TBC1D5: variants seen among roughly 807,000 people sequenced by gnomAD.
TBC1D5 encodes TBC1 domain family member 5.
A neutral mutation model predicts 100.3 loss-of-function variants in TBC1D5; 75 were observed. The ratio of observed to expected loss-of-function variants is 0.75; its 90% CI spans 0.62 to 0.91. The LOEUF is 0.91. TBC1D5 is among the 40% of genes least tolerant of loss of function. The pLI, the probability that TBC1D5 is intolerant of heterozygous loss-of-function variation, is 0.00. For missense variants in TBC1D5, 910 were observed against 942.4 expected, an observed-to-expected ratio of 0.97 and a Z score of 0.45; for synonymous variants, 323 against 325.6, an observed-to-expected ratio of 0.99 and a Z score of 0.09.
intron 13 of TBC1D5, among the ~76,000 whole-genome samples, chr3:17,359,537 G>A (rs938509691): frequency 2.4e-4 from 36 of 151,916 alleles, no homozygotes; most frequent in African/African-American, 7.7e-4. Flanking sequence ...AGCTAGTCAG[G>A]AGACACTTAT....
In TBC1D5 at chr3:17,390,863, AT is replaced by A. The variant is rs369842016; in HGVS notation, c.510-6849del. 1.1e-3 allele frequency among the ~76,000 whole-genome samples: 168 copies of A among 152,220 alleles called. 5 individuals carry two copies. In the South Asian group the frequency reaches 0.033, roughly 30 times the overall value. On this transcript the variant is annotated intron_variant, in intron 8 of 21. Coordinates refer to ENST00000253692, the Ensembl canonical transcript of TBC1D5. ...AATTCTTTTTCTTCCTGTGTTCCCT[AT>A]TTTGGTTGGTAATTTCCATTCTCCC...
chr3:17,650,765 A>C (rs2065472437), intron 1 of TBC1D5, among the ~76,000 whole-genome samples: 1 of 152,172 alleles, frequency 6.6e-6, no homozygotes, highest in Non-Finnish European at 1.5e-5. Context: ...CTAGTGATGT[A>C]ATTCTAAAAT....
At chr3:17,271,293 G>A (rs533521328) in intron 15 of TBC1D5, among the ~76,000 whole-genome samples, 1 of 152,186 alleles carries the variant, frequency 6.6e-6, no homozygotes, top group South Asian at 2.1e-4. Context: ...ATTTCTTTCG[G>A]CAGTGTTTTG....
At chr3:17,408,494 T>C (rs2093834309) in intron 4 of TBC1D5, among the ~76,000 whole-genome samples, 1 of 152,028 alleles carries the variant, frequency 6.6e-6, no homozygotes, top group African/African-American at 2.4e-5. Context: ...TGGCTACTTT[T>C]GTAACTTTTT....
chr3:17,180,916 CAAAAA>C (rs76797012), intron 19 of TBC1D5, among the ~76,000 whole-genome samples: 3 of 96,172 alleles, frequency 3.1e-5, no homozygotes, highest in Non-Finnish European at 4.4e-5. Context: ...ACATTTACAC[CAAAAA>C]AAAAAAAAAA....
intron 13 of TBC1D5, among the ~76,000 whole-genome samples, chr3:17,369,140 A>C (rs958954400): frequency 6.6e-6 from 1 of 152,168 alleles, no homozygotes; most frequent in Non-Finnish European, 1.5e-5. Context: ...TTTACTCCCA[A>C]CTTCTATAGC....
intron 1 of TBC1D5, among the ~76,000 whole-genome samples, chr3:17,665,832 G>A (rs1424343984): frequency 6.6e-6 from 1 of 152,020 alleles, no homozygotes; most frequent in Non-Finnish European, 1.5e-5. Flanking sequence ...TCCAATTTTA[G>A]GATCATCTGC....
chr3:17,591,221 G>T (rs1020849096), intron 2 of TBC1D5, among the ~76,000 whole-genome samples: 3 of 31,954 alleles, frequency 9.4e-5, no homozygotes, highest in African/African-American at 1.7e-4. Flanking sequence ...GGGCTACAAA[G>T]AAAGGATCTG....
At chr3:17,354,268 A>G (rs2090967673) in intron 13 of TBC1D5, among the ~76,000 whole-genome samples, 2 of 152,150 alleles carry the variant, frequency 1.3e-5, no homozygotes, top group Admixed American at 1.3e-4. Flanking sequence ...ATGTTCACCC[A>G]AGGCCAATGC....
At chr3:17,412,583 G>A (rs1022733974) in intron 4 of TBC1D5, among the ~76,000 whole-genome samples, 1 of 152,084 alleles carries the variant, frequency 6.6e-6, no homozygotes, top group African/African-American at 2.4e-5. Flanking sequence ...TTAAAAAAAA[G>A]TAGTTGCTAA....
intron 3 of TBC1D5, among the ~76,000 whole-genome samples, chr3:17,479,813 G>C (rs2095480263): frequency 6.6e-6 from 1 of 152,230 alleles, no homozygotes; most frequent in Non-Finnish European, 1.5e-5. Context: ...GGTGCAGTGG[G>C]GGAGGCGCTA....
intron 4 of TBC1D5, among the ~76,000 whole-genome samples, chr3:17,417,892 A>G (rs1360953378): frequency 7.0e-6 from 1 of 142,390 alleles, no homozygotes; most frequent in Non-Finnish European, 1.5e-5. Flanking sequence ...ATTTTTTTTT[A>G]ATTGGAATGA....
intron 13 of TBC1D5, among the ~76,000 whole-genome samples, chr3:17,336,789 CGAT>C (rs1388344644): frequency 2.6e-5 from 4 of 151,726 alleles, no homozygotes; most frequent in Non-Finnish European, 5.9e-5. Context: ...AAGAAAGCGT[CGAT>C]GATATTAGGT....
At chr3:17,624,203 G>A (rs1326143922) in intron 1 of TBC1D5, among the ~76,000 whole-genome samples, 1 of 151,982 alleles carries the variant, frequency 6.6e-6, no homozygotes, top group Non-Finnish European at 1.5e-5. Context: ...TCCTTAACAA[G>A]GAAAACTTTG....
intron 14 of TBC1D5, among the ~76,000 whole-genome samples, chr3:17,297,480 G>A (rs557710010): frequency 7.6e-4 from 115 of 151,812 alleles, no homozygotes; most frequent in Non-Finnish European, 1.5e-4. Flanking sequence ...GGAGGCTGAC[G>A]CAGGAGAATC....
At chr3:17,610,897 C>G (rs1440497718) in intron 2 of TBC1D5, among the ~76,000 whole-genome samples, 1 of 152,042 alleles carries the variant, frequency 6.6e-6, no homozygotes, top group African/African-American at 2.4e-5. Context: ...GTAATCCCAG[C>G]TATTTAGGAG....
intron 14 of TBC1D5, among the ~76,000 whole-genome samples, chr3:17,297,500 C>T (rs1210589343): frequency 1.3e-5 from 2 of 151,588 alleles, no homozygotes; most frequent in African/African-American, 2.4e-5. Flanking sequence ...CACTTGGACC[C>T]GGGAAGTGGA....
intron 3 of TBC1D5, among the ~76,000 whole-genome samples, chr3:17,504,012 G>C (rs2095814626): frequency 6.7e-6 from 1 of 149,104 alleles, no homozygotes; most frequent in African/African-American, 2.6e-5. Flanking sequence ...AGAGAACAGA[G>C]GATAAAACAG....
intron 7 of TBC1D5, 129 bp from the exon 8 acceptor site, chr3:17,403,377 C>T (rs1274135198): frequency 1.6e-5 from 8 of 495,542 alleles, no homozygotes; most frequent in East Asian, 1.4e-4. Context: ...AGATAGAAAA[C>T]CTGAGACTGG....
Sources: gnomAD v4.1 joint callset for allele counts (sites outside exome capture counted in the v4.1 genomes callset) on GRCh38, gnomAD v4.1.1 for gene constraint, MANE v1.5 for transcripts, NCBI Gene and HGNC (gene_info 2026-07-23, HGNC 2026-07-21) for gene names.